ZSCAN18: variants seen among roughly 807,000 people sequenced by gnomAD.
The protein encoded by ZSCAN18 is zinc finger and SCAN domain-containing protein 18.
A neutral mutation model predicts 31.1 loss-of-function variants in ZSCAN18; 16 were observed. That is an observed-to-expected ratio of 0.51 (90% CI 0.35 to 0.78). ZSCAN18 has a LOEUF of 0.78. ZSCAN18 is among the 30% of genes least tolerant of loss of function. The pLI is 0.01. For missense variants in ZSCAN18, 731 were observed against 697.4 expected, an observed-to-expected ratio of 1.05 and a Z score of -0.54; for synonymous variants, 375 against 320.7, an observed-to-expected ratio of 1.17 and a Z score of -1.81.
At chr19:58,098,919 G>GA (rs2074568988), upstream of ZSCAN18, among the ~76,000 whole-genome samples, 1 of 152,196 alleles carries the variant, frequency 6.6e-6, no homozygotes, top group Non-Finnish European at 1.5e-5. Context: ...CCACCCCAGG[G>GA]ATTCAGGAGC....
chr19:58,088,440 C>A (rs1233633744), intron 3 of ZSCAN18: 2 of 460,704 alleles, frequency 4.3e-6, no homozygotes, highest in East Asian at 6.9e-5. Context: ...TTGGGAGATT[C>A]TTTTCTTTAT....
chr19:58,086,474 C>A (rs1482406933), intron 5 of ZSCAN18: 3 of 527,716 alleles, frequency 5.7e-6, no homozygotes, highest in Non-Finnish European at 1.0e-5. Context: ...CAGGCGGAGG[C>A]AGGACTCAGA....
At chr19:58,101,125 CTTTTTTTTTTTT>C (rs71188077), upstream of ZSCAN18, among the ~76,000 whole-genome samples, 2 of 127,352 alleles carry the variant, frequency 1.6e-5, 1 homozygote, top group Admixed American at 1.6e-4. Flanking sequence ...ATTCCTCCCA[CTTTTTTTTTTTT>C]TTTTTTTTTT....
At chr19:58,099,262 T>A (rs1056827022), upstream of ZSCAN18, among the ~76,000 whole-genome samples, 3 of 152,126 alleles carry the variant, frequency 2.0e-5, no homozygotes, top group Non-Finnish European at 4.4e-5. Context: ...TGGTAGTCAC[T>A]CCCTCCCCAC....
Position 58,118,155 on chromosome 19 carries a change from C to A in ZSCAN18, c.130+112G>T, listed in dbSNP as rs542182763. The A allele has an allele frequency of 1.7e-5, 8 of 465,738 alleles. No individual in the cohort carries two copies. The South Asian group carries it at 4.3e-4, about 25-fold the overall frequency. The allele number at this position is 465,738 out of a possible 1,614,324, so 28.9% of individuals were successfully genotyped here. A position where few individuals can be genotyped will look rare whatever the true frequency, so the allele number is the denominator to read the frequency against. On this transcript the variant is annotated intron_variant, in intron 1 of 1. Transcript: ENST00000595721. ...CGCCCCGCCGGGAACCACAAGCCAGCGCCCCTAACAAGCCCCTGCCCAGAG... is the reference window on the plus strand; with the variant it reads ...CGCCCCGCCGGGAACCACAAGCCAGAGCCCCTAACAAGCCCCTGCCCAGAG...
rs2074379070 is a variant in ZSCAN18, at chr19:58,090,058, C to T, written c.210G>A (p.Leu70=). Reference sequence around the variant, plus strand: ...TCAGCCACTGGCGGCACAGCTCATGCAGCCGGGCCAGGGTCTGGTGGGGCC... The same window carrying T: ...TCAGCCACTGGCGGCACAGCTCATGTAGCCGGGCCAGGGTCTGGTGGGGCC... The part of the protein sequence containing the change: ...AAGPHQTLAR[L]HELCRQWLMP... Residue 70 remains leucine (L), a synonymous_variant, in exon 2 of 7, where the codon CTG becomes CTA. Transcript: ENST00000601144. This position sits in a 1 kb window ranked among gnomAD's most constrained non-coding sequence, Gnocchi z 4.7. 3 of 1,613,902 alleles carry T rather than the reference C, an allele frequency of 1.9e-6. No homozygotes were observed. The highest frequency in any genetic ancestry group is 2.5e-6 in the Non-Finnish European group (3 of 1,179,988).
chr19:58,104,160 C>T (rs906033911), intron 1 of ZSCAN18, among the ~76,000 whole-genome samples: 9 of 152,178 alleles, frequency 5.9e-5, no homozygotes, highest in African/African-American at 2.2e-4. Context: ...GGATGGATCA[C>T]CTGAGGTCAG....
exon 1 of ZSCAN18, chr19:58,118,309 G>A (rs1053845085): frequency 1.3e-6 from 2 of 1,523,636 alleles, no homozygotes; most frequent in Non-Finnish European, 1.8e-6. Flanking sequence ...CGGGAACGGA[G>A]GAAACAGACC....
intron 1 of ZSCAN18, among the ~76,000 whole-genome samples, chr19:58,107,006 G>T (rs2074640179): frequency 6.6e-6 from 1 of 151,558 alleles, no homozygotes; most frequent in Non-Finnish European, 1.5e-5. Context: ...CTCGTGATCT[G>T]CCCACCTTGG....
rs537371526 is a variant in ZSCAN18, at chr19:58,107,773, T to C, written c.130+10494A>G. On this transcript the variant is annotated intron_variant, in intron 1 of 1. Transcript: ENST00000595721. ...TGAATCCCCATAGGTCTCAGTCCAA[T>C]GTGTCAACTCTGGTTTCTAGCGAGA... The C allele has an allele frequency of 1.7e-4, 168 of 991,934 alleles. No individual in the cohort carries two copies. The African/African-American group carries it at 2.8e-3, about 16-fold the overall frequency. The allele number at this position is 991,934 out of a possible 1,614,324, so 61.4% of individuals were successfully genotyped here.
upstream of ZSCAN18, among the ~76,000 whole-genome samples, chr19:58,102,650 T>G (rs925439929): frequency 6.6e-6 from 1 of 152,116 alleles, no homozygotes; most frequent in Admixed American, 6.6e-5. Context: ...CACACAGACT[T>G]GCCATTTTGT....
At chr19:58,107,829 TAG>T in intron 1 of ZSCAN18, 1 of 1,008,170 alleles carries the variant, frequency 9.9e-7, no homozygotes. Context: ...TTTCCCACAC[TAG>T]ACACACTGGC....
intron 3 of ZSCAN18, chr19:58,088,468 C>A: frequency 1.9e-6 from 1 of 513,326 alleles, no homozygotes; most frequent in Non-Finnish European, 3.5e-6. Context: ...TGTTTCTTCA[C>A]TATTTGTGGT....
upstream of ZSCAN18, among the ~76,000 whole-genome samples, chr19:58,099,964 G>GTTTTTTTTT (rs55769261): frequency 4.4e-5 from 6 of 136,112 alleles, no homozygotes; most frequent in Non-Finnish European, 7.8e-5. Flanking sequence ...TGAAAGCTAT[G>GTTTTTTTTT]TTTTTTTTTT....
Position 58,084,443 on chromosome 19 carries a change from C to G in ZSCAN18, c.*242G>C. ...GGCTGCAGGAAAGCCGAGTCTTCTT[C>G]CACATCCGGCGGCTCCCCTCGGATG... On this transcript the variant is annotated 3_prime_UTR_variant, in exon 7 of 7. Transcript: ENST00000601144. This position sits in a 1 kb window ranked among gnomAD's most constrained non-coding sequence, Gnocchi z 4.5. 6.8e-6 allele frequency: 3 copies of G among 440,132 alleles called. No individual in the cohort carries two copies. Among genetic ancestry groups the G allele is most frequent in the Non-Finnish European group, 7.9e-6 (2 of 251,990 alleles). The allele number at this position is 440,132 out of a possible 1,614,324, so 27.3% of individuals were successfully genotyped here. A position where few individuals can be genotyped will look rare whatever the true frequency, so the allele number is the denominator to read the frequency against.
intron 1 of ZSCAN18, among the ~76,000 whole-genome samples, chr19:58,114,999 A>G (rs745907136): frequency 2.0e-4 from 31 of 152,242 alleles, no homozygotes; most frequent in Non-Finnish European, 3.5e-4. Flanking sequence ...AAAAACAACT[A>G]TGGAGTTACC....
In ZSCAN18 at chr19:58,085,178, G is replaced by T; in HGVS notation, c.1040C>A (p.Thr347Asn). ...DPQDAESDSA[T>N]GSQRQSVIQQ... ...GATGACGGACTGCCTCTGCGATCCG[G>T]TGGCAGAGTCGGACTCCGCGTCCTG... Residue 347 changes from threonine (T) to asparagine (N), a missense_variant, in exon 7 of 7, where the codon ACC becomes AAC. Around this residue, in one of 4 missense-constraint regions of ZSCAN18, gnomAD observed 597 missense variants for 499.5 expected, o/e 1.20. Coordinates refer to ENST00000601144, the MANE Select transcript of ZSCAN18 (RefSeq NM_001145543.2). The T allele has an allele frequency of 6.2e-7, 1 of 1,610,726 alleles. No individual in the cohort carries two copies.
At chr19:58,087,459 C>A in intron 3 of ZSCAN18, 55 bp from the exon 4 acceptor site, 2 of 1,523,766 alleles carry the variant, frequency 1.3e-6, no homozygotes, top group Non-Finnish European at 1.8e-6. Context: ...GCCAGGTGCC[C>A]TCAAGGGTCA....
In ZSCAN18 at chr19:58,089,886, C is replaced by T. The variant is rs146014063; in HGVS notation, c.382G>A (p.Ala128Thr). 1.2e-5 allele frequency: 20 copies of T among 1,611,364 alleles called. No individual in the cohort carries two copies. The highest frequency in any genetic ancestry group is 1.6e-5 in the Non-Finnish European group (19 of 1,178,258). The change falls in exon 2 of 7, where the codon GCT (alanine) becomes ACT (threonine). Residue 128 changes from alanine (A) to threonine (T), a missense_variant. Ala to Thr is a moderately conservative substitution (Grantham distance 58, BLOSUM62 0). Coordinates refer to ENST00000601144, the MANE Select transcript of ZSCAN18 (RefSeq NM_001145543.2). ...KKAASLVEGL[A>T]DVLEEPGMLL... ...CCACCTGGCTCTTCCAGGACATCAG[C>T]GAGGCCCTCCACCAGGGAGGCTGCC...
Sources: gnomAD v4.1 joint callset for allele counts (sites outside exome capture counted in the v4.1 genomes callset) on GRCh38, gnomAD v4.1.1 for gene constraint, gnomAD v4.1.1 regional missense constraint, Gnocchi (gnomAD v3.1) non-coding constraint, MANE v1.5 for transcripts, NCBI Gene and HGNC (gene_info 2026-07-23, HGNC 2026-07-21) for gene names.